CREB5: variants seen among roughly 807,000 people sequenced by gnomAD.
CREB5 encodes cAMP responsive element binding protein 5.
CREB5 carries 19 observed loss-of-function variants against 57.1 expected under a neutral mutation model. The ratio of observed to expected loss-of-function variants is 0.33; its 90% CI spans 0.23 to 0.49. CREB5 has a LOEUF of 0.49. CREB5 is among the 20% of genes least tolerant of loss of function. CREB5 has a pLI of 0.99. For missense variants in CREB5, 579 were observed against 671.6 expected (o/e 0.86, Z 1.52); for synonymous variants, 238 against 238.3 (o/e 1.00, Z 0.01).
At chr7:28,679,063 T>TTTG (rs1325048343) in intron 5 of CREB5, among the ~76,000 whole-genome samples, 1 of 150,846 alleles carries the variant, frequency 6.6e-6, no homozygotes, top group East Asian at 1.9e-4. Flanking sequence ...TTTTTTTTTT[T>TTTG]TTTTTTCATT....
intron 4 of CREB5, among the ~76,000 whole-genome samples, chr7:28,560,987 T>TGTGCGTGTGTGCGCGTGC (rs1795231560): frequency 1.6e-5 from 1 of 64,454 alleles, no homozygotes; most frequent in Non-Finnish European, 3.5e-5. Context: ...TGTGCGTGCG[T>TGTGCGTGTGTGCGCGTGC]GTGTGTGCCT....
At chr7:28,560,835 T>TGCGCGTGCGTGCGCGTGC in intron 4 of CREB5, among the ~76,000 whole-genome samples, 1 of 59,746 alleles carries the variant, frequency 1.7e-5, no homozygotes, top group Non-Finnish European at 4.1e-5. Flanking sequence ...CGCGCGCGCG[T>TGCGCGTGCGTGCGCGTGC]GTGTGTGTGC....
chr7:28,367,808 AAAACAAAC>A, intron 1 of CREB5, among the ~76,000 whole-genome samples: 1 of 150,410 alleles, frequency 6.6e-6, no homozygotes, highest in East Asian at 2.0e-4. Context: ...ACTCCATTTC[AAAACAAAC>A]AAACAGACAA....
At chr7:28,582,926 G>A (rs745549556) in intron 5 of CREB5, among the ~76,000 whole-genome samples, 2 of 152,088 alleles carry the variant, frequency 1.3e-5, no homozygotes, top group Non-Finnish European at 2.9e-5. Context: ...TAAGTAAATA[G>A]CAGGCAGATC....
chr7:28,353,717 C>T (rs181274452), intron 1 of CREB5, among the ~76,000 whole-genome samples: 1 of 152,010 alleles, frequency 6.6e-6, no homozygotes, highest in African/African-American at 2.4e-5. Flanking sequence ...GTGGCAGGCG[C>T]CTGTAGTCCC....
intron 1 of CREB5, among the ~76,000 whole-genome samples, chr7:28,378,745 A>T (rs1429859348): frequency 2.0e-5 from 3 of 152,216 alleles, no homozygotes; most frequent in Non-Finnish European, 4.4e-5. Context: ...TGCCCTTTGG[A>T]TAGGCAATGA....
chr7:28,309,263 G>T (rs139059337), intron 1 of CREB5, among the ~76,000 whole-genome samples: 29 of 152,160 alleles, frequency 1.9e-4, no homozygotes, highest in African/African-American at 7.0e-4. Context: ...TGTTCTTCTG[G>T]AGAGCCCTGA....
At chr7:28,517,269 A>G (rs1317685384) in intron 4 of CREB5, among the ~76,000 whole-genome samples, 1 of 152,218 alleles carries the variant, frequency 6.6e-6, no homozygotes, top group African/African-American at 2.4e-5. Flanking sequence ...TCATCTCATA[A>G]ATCCAGGTGA....
At chr7:28,448,719 G>A (rs927159735) in intron 1 of CREB5, among the ~76,000 whole-genome samples, 1 of 152,252 alleles carries the variant, frequency 6.6e-6, no homozygotes, top group Non-Finnish European at 1.5e-5. Flanking sequence ...GGAGTCACAG[G>A]AGGAGGAATT....
chr7:28,638,264 G>GACACACACACACAC (rs56956362), intron 5 of CREB5, among the ~76,000 whole-genome samples: 1,534 of 145,758 alleles, frequency 0.011, 21 homozygotes, highest in Middle Eastern at 0.038. Context: ...AAAGAAACTA[G>GACACACACACACAC]ACACACACAC....
chr7:28,792,807 C>T (rs1807798274), intron 7 of CREB5, among the ~76,000 whole-genome samples: 2 of 152,258 alleles, frequency 1.3e-5, no homozygotes, highest in South Asian at 4.1e-4. Context: ...AGGTCTGGCT[C>T]AGGGAGACCA....
At chr7:28,531,089 T>C (rs189328349) in intron 4 of CREB5, among the ~76,000 whole-genome samples, 20 of 152,164 alleles carry the variant, frequency 1.3e-4, no homozygotes, top group African/African-American at 4.8e-4. Flanking sequence ...CACAATATAA[T>C]GTTTTGGGGA....
chr7:28,766,439 A>G (rs183161281), intron 7 of CREB5, among the ~76,000 whole-genome samples: 24 of 152,350 alleles, frequency 1.6e-4, no homozygotes, highest in Admixed American at 2.6e-4. Context: ...ATGATAAAGC[A>G]TTAACATGCA....
chr7:28,760,802 C>A (rs991777914), intron 7 of CREB5, among the ~76,000 whole-genome samples: 7 of 152,164 alleles, frequency 4.6e-5, no homozygotes, highest in Non-Finnish European at 8.8e-5. Flanking sequence ...TGTGAGCCTA[C>A]AGTTATTTTC....
Position 28,445,857 on chromosome 7 carries a change from T to C in CREB5, c.3+32940T>C, listed in dbSNP as rs752449903. 1.5e-3 allele frequency among the ~76,000 whole-genome samples: 231 copies of C among 152,356 alleles called. 1 individual carries two copies. The highest frequency in any genetic ancestry group is 2.6e-3 in the Non-Finnish European group (174 of 68,038). On this transcript the variant is annotated intron_variant, in intron 1 of 10. Transcript: ENST00000357727. ...TGAGCCACTGCGCCCGGCCTATTCTTCTAACATACTTGAGAGGGTGAGGGA... is the reference window on the plus strand; with the variant it reads ...TGAGCCACTGCGCCCGGCCTATTCTCCTAACATACTTGAGAGGGTGAGGGA...
intron 1 of CREB5, among the ~76,000 whole-genome samples, chr7:28,317,278 C>G (rs1785401512): frequency 6.6e-6 from 1 of 152,118 alleles, no homozygotes; most frequent in Non-Finnish European, 1.5e-5. Context: ...AGTGTGAAAC[C>G]AGGGTGGGCA....
chr7:28,398,371 G>C (rs1787380380), intron 1 of CREB5, among the ~76,000 whole-genome samples: 2 of 152,296 alleles, frequency 1.3e-5, no homozygotes, highest in South Asian at 4.1e-4. Flanking sequence ...GTCAGCCTTA[G>C]CACTGCTAAC....
At chr7:28,491,693 G>A (rs1443289667) in intron 2 of CREB5, among the ~76,000 whole-genome samples, 1 of 152,186 alleles carries the variant, frequency 6.6e-6, no homozygotes, top group Non-Finnish European at 1.5e-5. Context: ...AATGGAAGAG[G>A]TGTTAGAATT....
chr7:28,325,428 C>A (rs900861583), intron 1 of CREB5, among the ~76,000 whole-genome samples: 1 of 150,936 alleles, frequency 6.6e-6, no homozygotes, highest in African/African-American at 2.4e-5. Flanking sequence ...GCACTCCAGC[C>A]TGGGCGACAC....
Sources: allele counts gnomAD v4.1 joint callset (sites outside exome capture counted in the v4.1 genomes callset), GRCh38; gene constraint gnomAD v4.1.1; transcripts MANE v1.5; gene names NCBI Gene and HGNC (gene_info 2026-07-23, HGNC 2026-07-21).